Variants in PUS10 observed in about 807,000 individuals in gnomAD.
The protein encoded by PUS10 is tRNA pseudouridine synthase Pus10.
PUS10 carries 59 observed loss-of-function variants against 75.0 expected under a neutral mutation model. That is an observed-to-expected ratio of 0.79 (90% CI 0.64 to 0.98). The LOEUF (loss-of-function observed/expected upper bound fraction) is 0.98. Among genes scored for constraint, PUS10 ranks in the 50% least tolerant of loss-of-function variants. The probability of loss-of-function intolerance (pLI) is 0.00; values close to 1 mark genes in which losing one functional copy is unlikely to be tolerated. For missense variants in PUS10, 650 were observed against 614.4 expected, an observed-to-expected ratio of 1.06 and a Z score of -0.61; for synonymous variants, 219 against 211.6, an observed-to-expected ratio of 1.03 and a Z score of -0.30.
chr2:60,982,262 T>A (rs1388786414), intron 4 of PUS10, among the ~76,000 whole-genome samples: 1 of 151,918 alleles, frequency 6.6e-6, no homozygotes, highest in African/African-American at 2.4e-5. Flanking sequence ...ATTTTATTTA[T>A]TTATTTATTT....
intron 4 of PUS10, among the ~76,000 whole-genome samples, chr2:60,975,579 C>T (rs1474457400): frequency 6.7e-6 from 1 of 150,282 alleles, no homozygotes; most frequent in Non-Finnish European, 1.5e-5. Context: ...TTAAACTTTT[C>T]TGGATGCCTA....
At chr2:60,943,925 A>C (rs1674780319) in intron 17 of PUS10, among the ~76,000 whole-genome samples, 1 of 151,922 alleles carries the variant, frequency 6.6e-6, no homozygotes, top group Admixed American at 6.6e-5. Context: ...AAAAAGATTA[A>C]TGCAAGCCTG....
intron 4 of PUS10, among the ~76,000 whole-genome samples, chr2:60,998,109 A>G (rs1441581029): frequency 6.6e-6 from 1 of 152,240 alleles, no homozygotes; most frequent in East Asian, 1.9e-4. Context: ...GACACATTCT[A>G]TTTATGAGCT....
At chr2:60,966,616 A>C (rs1205427224) in intron 6 of PUS10, 1 of 152,320 alleles carries the variant, frequency 6.6e-6, no homozygotes, top group African/African-American at 2.4e-5. Flanking sequence ...AATATTTTGC[A>C]TTAATGACTT....
intron 11 of PUS10, among the ~76,000 whole-genome samples, chr2:60,958,566 T>C (rs1456396163): frequency 6.6e-6 from 1 of 152,126 alleles, no homozygotes; most frequent in African/African-American, 2.4e-5. Flanking sequence ...GAGAGAAGGA[T>C]GGATTTCTAG....
At chr2:60,943,193 T>A (rs1674726612) in intron 17 of PUS10, among the ~76,000 whole-genome samples, 1 of 152,192 alleles carries the variant, frequency 6.6e-6, no homozygotes, top group Non-Finnish European at 1.5e-5. Context: ...TCTATAAGCC[T>A]ATAGTCTTGT....
intron 4 of PUS10, among the ~76,000 whole-genome samples, chr2:60,992,642 A>G (rs1216100481): frequency 1.3e-5 from 2 of 152,244 alleles, no homozygotes; most frequent in African/African-American, 4.8e-5. Flanking sequence ...GCTTCTTAAT[A>G]TAAGACTAAA....
intron 9 of PUS10, among the ~76,000 whole-genome samples, chr2:60,961,783 C>T (rs973681988): frequency 2.0e-5 from 3 of 152,150 alleles, no homozygotes; most frequent in Admixed American, 6.5e-5. Flanking sequence ...ACTTATCTTC[C>T]GAGGCAAAAA....
In PUS10 at chr2:60,965,659, G is replaced by C. The variant is rs543359916; in HGVS notation, c.616-175C>G. 5 of 444,240 alleles carry C rather than the reference G, an allele frequency of 1.1e-5. No individual in the cohort carries two copies. The Admixed American group carries it at 2.1e-4, about 19-fold the overall frequency. 27.5% of individuals were successfully genotyped at this position (444,240 alleles called of 1,614,324 possible). A position where few individuals can be genotyped will look rare whatever the true frequency, so the allele number is the denominator to read the frequency against. The stretch of plus-strand genomic sequence containing the variant: ...TATCAGGGCAGCTGTAAAGGAAATA[G>C]TTTTGTTTTTTTTTTTAACTTCTAA... On this transcript the variant is annotated intron_variant, in intron 6 of 17. Transcript: ENST00000316752.
chr2:60,947,681 TAGTC>T (rs1351495060), intron 16 of PUS10, among the ~76,000 whole-genome samples: 1 of 151,194 alleles, frequency 6.6e-6, no homozygotes, highest in Non-Finnish European at 1.5e-5. Flanking sequence ...TACAAAAAAT[TAGTC>T]AGGCGTGGTG....
At chr2:60,988,287 G>T (rs1677848928) in intron 4 of PUS10, among the ~76,000 whole-genome samples, 1 of 151,944 alleles carries the variant, frequency 6.6e-6, no homozygotes. Context: ...GTCACTGTTA[G>T]GTGTAAATTC....
At chr2:60,994,068 C>T (rs71420380) in intron 4 of PUS10, among the ~76,000 whole-genome samples, 27,710 of 151,552 alleles carry the variant, frequency 0.18, 2,747 homozygotes, top group Middle Eastern at 0.33. Context: ...GGATTACAGG[C>T]GTGAGCCACC....
In PUS10 at chr2:60,944,022, G is replaced by T. The variant is rs138967345; in HGVS notation, c.1551+987C>A. On this transcript the variant is annotated intron_variant, in intron 17 of 17. Coordinates refer to ENST00000316752, the MANE Select transcript of PUS10 (RefSeq NM_144709.4). ...CTCATGCCTGTGGTCCCAGCTACTC[G>T]GGAGACTGAGGCAGGGGATCGCTTG... Among the ~76,000 whole-genome samples the T allele has an allele frequency of 4.0e-3, 615 of 152,078 alleles. 6 individuals carry two copies. Among genetic ancestry groups the T allele is most frequent in the African/African-American group, 0.014 (588 of 41,462 alleles).
intron 15 of PUS10, 21 bp from the exon 16 acceptor site, chr2:60,948,206 C>T: frequency 1.2e-6 from 2 of 1,613,240 alleles, no homozygotes; most frequent in South Asian, 1.1e-5. Flanking sequence ...ATATGACACA[C>T]AGTCCCAGAG....
chr2:60,962,546 C>T (rs1182006175), intron 9 of PUS10, among the ~76,000 whole-genome samples: 3 of 151,870 alleles, frequency 2.0e-5, no homozygotes, highest in African/African-American at 7.3e-5. Context: ...TGCACTCCAG[C>T]CTGGGCAACA....
chr2:60,999,746 G>C (rs1208358155), intron 4 of PUS10, among the ~76,000 whole-genome samples: 2 of 152,180 alleles, frequency 1.3e-5, no homozygotes, highest in Non-Finnish European at 2.9e-5. Flanking sequence ...TCTTGGCCAA[G>C]TACATTGGCA....
intron 3 of PUS10, among the ~76,000 whole-genome samples, chr2:61,008,076 C>G (rs557178726): frequency 6.8e-6 from 1 of 147,936 alleles, no homozygotes; most frequent in African/African-American, 2.5e-5. Context: ...GACTCTGTCT[C>G]CAAAAAAAAA....
At chr2:60,944,253 C>T (rs1674804373) in intron 17 of PUS10, 1 of 983,134 alleles carries the variant, frequency 1.0e-6, no homozygotes, top group African/African-American at 1.7e-5. Flanking sequence ...ACTGCAGGAG[C>T]TAATCTAATC....
At chr2:60,990,149 C>T (rs1280682157) in intron 4 of PUS10, among the ~76,000 whole-genome samples, 1 of 152,044 alleles carries the variant, frequency 6.6e-6, no homozygotes, top group African/African-American at 2.4e-5. Context: ...CACATACTCA[C>T]ACGCACGCAC....
Sources: allele counts gnomAD v4.1 joint callset (sites outside exome capture counted in the v4.1 genomes callset), GRCh38; gene constraint gnomAD v4.1.1; transcripts MANE v1.5; gene names NCBI Gene and HGNC (gene_info 2026-07-23, HGNC 2026-07-21).